The following UBASH3A variants were observed in gnomAD, a reference collection of about 807,000 sequenced individuals.
The protein encoded by UBASH3A is ubiquitin-associated and SH3 domain-containing protein A.
In UBASH3A, 63 loss-of-function variants were observed where a neutral mutation model predicts 73.5. The observed-to-expected ratio is 0.86, with a 90% confidence interval of 0.70 to 1.06. The LOEUF (loss-of-function observed/expected upper bound fraction) is 1.06, where lower values mean the gene tolerates loss of function less well. Ranked by LOEUF, UBASH3A falls within the 50% of genes least tolerant of loss-of-function variation. The pLI, the probability that UBASH3A is intolerant of heterozygous loss-of-function variation, is 0.00. For synonymous variants in UBASH3A, 363 were observed against 351.1 expected, an observed-to-expected ratio of 1.03 and a Z score of -0.38; for missense variants, 860 against 859.0, an observed-to-expected ratio of 1.00 and a Z score of -0.02.
intron 3 of UBASH3A, among the ~76,000 whole-genome samples, chr21:42,410,828 CACAT>C (rs2053075631): frequency 6.6e-6 from 1 of 151,938 alleles, no homozygotes; most frequent in Admixed American, 6.6e-5. Flanking sequence ...ATAGCTCACA[CACAT>C]AGACACACAC....
intron 10 of UBASH3A, among the ~76,000 whole-genome samples, chr21:42,436,219 A>C (rs1481853535): frequency 6.6e-6 from 1 of 152,200 alleles, no homozygotes; most frequent in African/African-American, 2.4e-5. Flanking sequence ...TCATAGAGTT[A>C]TAGAATTAGA....
chr21:42,446,405 G>A (rs1335549689), intron 14 of UBASH3A, among the ~76,000 whole-genome samples: 3 of 152,142 alleles, frequency 2.0e-5, no homozygotes, highest in Non-Finnish European at 4.4e-5. Context: ...GCAAGCGTGA[G>A]GAAAGAATCA....
intron 3 of UBASH3A, chr21:42,410,254 A>G (rs2053062608): frequency 2.9e-6 from 2 of 684,686 alleles, no homozygotes; most frequent in Non-Finnish European, 5.3e-6. Flanking sequence ...AAGAAGGAGA[A>G]GGGAGAGACA....
Position 42,420,713 on chromosome 21 carries a change from G to C in UBASH3A, c.1046+2104G>C, listed in dbSNP as rs189790970. Among the ~76,000 whole-genome samples the C allele has an allele frequency of 7.3e-3, 1,106 of 152,286 alleles. 22 individuals are homozygous for C. The highest frequency in any genetic ancestry group is 4.6e-3 in the Non-Finnish European group (311 of 68,026). ...TGGAAGGACCACCCGGGTGATGGGA[G>C]AGCAGTCACAGACACAGCTGCTATT... On this transcript the variant is annotated intron_variant, in intron 7 of 14. Coordinates refer to ENST00000319294, the MANE Select transcript of UBASH3A (RefSeq NM_018961.4).
intron 12 of UBASH3A, chr21:42,443,036 G>A: frequency 9.7e-7 from 1 of 1,028,142 alleles, no homozygotes; most frequent in Non-Finnish European, 1.3e-6. Flanking sequence ...CTGGACTGGA[G>A]TTTAGTCAAG....
chr21:42,447,128 G>T lies in UBASH3A; in HGVS notation c.1920G>T (p.Pro640=). The stretch of plus-strand genomic sequence containing the variant: ...GAAAATGGGAGTTGGTGAACCCACC[G>T]GTGAAGACCCTGACCCACGGGGCGA... ...EEGKWELVNP[P]VKTLTHGANA... The change falls in exon 15 of 15, where the codon CCG becomes CCT. Residue 640 remains proline (P), a synonymous_variant. Coordinates refer to ENST00000319294, the MANE Select transcript of UBASH3A (RefSeq NM_018961.4). 1 of 1,614,138 alleles carries T rather than the reference G, an allele frequency of 6.2e-7. No homozygotes were observed. Among genetic ancestry groups the T allele is most frequent in the Non-Finnish European group, 8.5e-7 (1 of 1,179,984 alleles).
chr21:42,414,103 C>T (rs914603674), intron 5 of UBASH3A, among the ~76,000 whole-genome samples: 3 of 152,126 alleles, frequency 2.0e-5, no homozygotes, highest in Admixed American at 6.5e-5. Flanking sequence ...CCATAGTTCC[C>T]GGGACACAGA....
rs1234676903 is a variant in UBASH3A at position 42,403,975 on chromosome 21, C to A, written c.30C>A (p.Ala10=). 4 of 1,525,606 alleles carry A rather than the reference C, an allele frequency of 2.6e-6. No homozygotes were observed. Among genetic ancestry groups the A allele is most frequent in the Non-Finnish European group, 3.5e-6 (4 of 1,132,392 alleles). The allele number at this position is 1,525,606 out of a possible 1,614,324, so 94.5% of individuals were successfully genotyped here. Residue 10 remains alanine, a synonymous_variant, in exon 1 of 15, where the codon GCC becomes GCA. Coordinates refer to ENST00000319294, the MANE Select transcript of UBASH3A (RefSeq NM_018961.4). The part of the protein sequence containing the change: MAAGETQLY[A]KVSNKLKSRS... The stretch of plus-strand genomic sequence containing the variant: ...CAGCGGGGGAGACGCAGCTCTACGC[C>A]AAGGTCTCCAACAAGCTCAAGAGCC...
intron 3 of UBASH3A, among the ~76,000 whole-genome samples, chr21:42,412,419 C>T (rs1427414549): frequency 6.6e-6 from 1 of 152,140 alleles, no homozygotes; most frequent in Non-Finnish European, 1.5e-5. Context: ...GGAGCAGACC[C>T]CAAGGCAGAA....
chr21:42,417,878 C>CTTTTTTTTTTTTTTT (rs796939696), intron 6 of UBASH3A, among the ~76,000 whole-genome samples: 2 of 90,632 alleles, frequency 2.2e-5, no homozygotes, highest in South Asian at 4.2e-4. Flanking sequence ...TTCTTTTTTT[C>CTTTTTTTTTTTTTTT]TTTTTTTTTT....
chr21:42,408,898 TAAAATAAAATAAAATAAAATAAAATAA>T (rs1402689122), intron 2 of UBASH3A, among the ~76,000 whole-genome samples: 1 of 127,734 alleles, frequency 7.8e-6, no homozygotes. Flanking sequence ...TAAAATAAAA[TAAAATAAAATAAAATAAAATAAAATAA>T]AATAAAATAA....
chr21:42,436,849 A>C (rs1159083295), intron 10 of UBASH3A, among the ~76,000 whole-genome samples: 4 of 152,262 alleles, frequency 2.6e-5, no homozygotes, highest in Non-Finnish European at 5.9e-5. Flanking sequence ...AAACGACCAC[A>C]AATGTGAAGC....
chr21:42,406,192 G>A, intron 1 of UBASH3A, 116 bp from the exon 2 acceptor site: 1 of 827,970 alleles, frequency 1.2e-6, no homozygotes, highest in Admixed American at 1.8e-5. Context: ...TCAGCATCAG[G>A]CCCTCTTCAG....
chr21:42,416,333 G>A (rs1401401120), intron 5 of UBASH3A, 109 bp from the exon 6 acceptor site: 12 of 1,206,494 alleles, frequency 9.9e-6, no homozygotes, highest in African/African-American at 1.6e-5. Context: ...GGCCAAATGA[G>A]CTCTGAGTTC....
In UBASH3A at chr21:42,424,932, A is replaced by AG. The variant is rs777823590; in HGVS notation, c.1047-1764dup. Among the ~76,000 whole-genome samples the AG allele has an allele frequency of 2.0e-5, 3 of 152,320 alleles. 1 individual carries two copies. The highest frequency in any genetic ancestry group is 1.9e-4 in the East Asian group (1 of 5,182). On this transcript the variant is annotated intron_variant, in intron 7 of 14. Coordinates refer to ENST00000319294, the MANE Select transcript of UBASH3A (RefSeq NM_018961.4). ...GACAGCCTGTGAGGAAACGAGGAGAAGTACCTGTCTACAAGCCAAGGAGAG... is the reference window on the plus strand; with the variant it reads ...GACAGCCTGTGAGGAAACGAGGAGAAGGTACCTGTCTACAAGCCAAGGAGAG...
chr21:42,437,283 T>C (rs892594233), intron 10 of UBASH3A, among the ~76,000 whole-genome samples: 3 of 152,218 alleles, frequency 2.0e-5, no homozygotes, highest in Admixed American at 6.5e-5. Flanking sequence ...CCTTCTGCCA[T>C]AGGATGTAAT....
At chr21:42,442,056 T>A (rs945823801) in intron 11 of UBASH3A, among the ~76,000 whole-genome samples, 1 of 152,146 alleles carries the variant, frequency 6.6e-6, no homozygotes, top group African/African-American at 2.4e-5. Context: ...TTCTTCATGA[T>A]GGGTCACATC....
chr21:42,429,805 C>T (rs1261020478), intron 8 of UBASH3A, among the ~76,000 whole-genome samples: 2 of 152,016 alleles, frequency 1.3e-5, no homozygotes, highest in Non-Finnish European at 2.9e-5. Flanking sequence ...TGAAGTTTTC[C>T]AATAAGGGAA....
chr21:42,447,252 G>GCTGGGAGA lies in UBASH3A; in HGVS notation c.*59_*66dup, dbSNP rs569534570. On this transcript the variant is annotated 3_prime_UTR_variant, in exon 15 of 15. Coordinates refer to ENST00000319294, the MANE Select transcript of UBASH3A (RefSeq NM_018961.4). ...GGAGAGGCAGAAACCATGTGCAGAG[G>GCTGGGAGA]CTGGGAGATGCTGCTGTTTCCAGAG... 9.5e-4 allele frequency: 1,482 copies of GCTGGGAGA among 1,552,540 alleles called. No individual in the cohort carries two copies. The highest frequency in any genetic ancestry group is 1.3e-3 in the South Asian group (106 of 83,986).
Sources: allele counts gnomAD v4.1 joint callset (sites outside exome capture counted in the v4.1 genomes callset), GRCh38; gene constraint gnomAD v4.1.1; transcripts MANE v1.5; gene names NCBI Gene and HGNC (gene_info 2026-07-23, HGNC 2026-07-21).